NOL4L: variants seen among roughly 807,000 people sequenced by gnomAD.
The protein encoded by NOL4L is nucleolar protein 4-like.
NOL4L carries 7 observed loss-of-function variants against 64.5 expected under a neutral mutation model. The ratio of observed to expected loss-of-function variants is 0.11; its 90% CI spans 0.06 to 0.20. NOL4L has a LOEUF of 0.20. Ranked by LOEUF, NOL4L falls within the 10% of genes least tolerant of loss-of-function variation. NOL4L has a pLI of 1.00. For missense variants in NOL4L, 680 were observed against 967.1 expected, an observed-to-expected ratio of 0.70 and a Z score of 3.94; for synonymous variants, 413 against 401.0, an observed-to-expected ratio of 1.03 and a Z score of -0.36.
At chr20:32,487,217 G>T (rs1023680229) in intron 4 of NOL4L, among the ~76,000 whole-genome samples, 1 of 152,126 alleles carries the variant, frequency 6.6e-6, no homozygotes, top group African/African-American at 2.4e-5. Context: ...GCAGTGAGCC[G>T]AGATCATACC....
intron 4 of NOL4L, among the ~76,000 whole-genome samples, chr20:32,494,253 GAAAAAAAAA>G (rs566317193): frequency 9.1e-5 from 2 of 22,028 alleles, no homozygotes; most frequent in African/African-American, 2.9e-4. Context: ...ATAATCTCGG[GAAAAAAAAA>G]AAAAAAAAAA....
At chr20:32,535,626 G>T in intron 1 of NOL4L, 2 of 985,526 alleles carry the variant, frequency 2.0e-6, no homozygotes, top group Non-Finnish European at 2.4e-6. Flanking sequence ...CCAGGCCACA[G>T]AGAAAGGTGC....
At chr20:32,509,794 T>G in intron 4 of NOL4L, 1 of 1,302,632 alleles carries the variant, frequency 7.7e-7, no homozygotes, top group Non-Finnish European at 1.0e-6. Context: ...AGTGGTGACC[T>G]GGATTTAGTG....
intron 5 of NOL4L, among the ~76,000 whole-genome samples, chr20:32,468,917 A>AAAAAAAAG (rs1555792102): frequency 3.6e-5 from 4 of 109,778 alleles, no homozygotes; most frequent in African/African-American, 1.6e-4. Context: ...AAAAAAAAAA[A>AAAAAAAAG]AAAGAAAGAA....
At chr20:32,556,420 C>A (rs1018430350) in intron 1 of NOL4L, among the ~76,000 whole-genome samples, 3 of 152,316 alleles carry the variant, frequency 2.0e-5, no homozygotes, top group East Asian at 1.9e-4. Context: ...CTACTTGTCT[C>A]TGTCCCTCCT....
At chr20:32,580,167 C>T (rs1333061314) in intron 1 of NOL4L, among the ~76,000 whole-genome samples, 1 of 152,172 alleles carries the variant, frequency 6.6e-6, no homozygotes, top group East Asian at 1.9e-4. Flanking sequence ...AGGGGAAGTT[C>T]TGAACCTCCC....
chr20:32,524,177 G>C (rs995059035), intron 2 of NOL4L, among the ~76,000 whole-genome samples: 7 of 152,190 alleles, frequency 4.6e-5, no homozygotes, highest in Non-Finnish European at 8.8e-5. Flanking sequence ...CTTGGAAAAA[G>C]GACTAGCCCT....
chr20:32,535,803 C>T (rs1246090155), intron 1 of NOL4L: 3 of 985,128 alleles, frequency 3.0e-6, no homozygotes, highest in Non-Finnish European at 3.6e-6. Context: ...GGCCACAGTG[C>T]CCCCCAGTTA....
At chr20:32,577,922 T>C (rs994112009) in intron 1 of NOL4L, among the ~76,000 whole-genome samples, 7 of 151,976 alleles carry the variant, frequency 4.6e-5, no homozygotes, top group Admixed American at 2.6e-4. Flanking sequence ...CTCAGTGAGA[T>C]CACATAGCAG....
chr20:32,517,443 G>A (rs888908498), intron 3 of NOL4L, among the ~76,000 whole-genome samples: 3 of 152,230 alleles, frequency 2.0e-5, no homozygotes, highest in East Asian at 1.9e-4. Flanking sequence ...CCAGCATGGC[G>A]GGCAGAGATA....
At chr20:32,568,097 C>T (rs940982600) in intron 1 of NOL4L, among the ~76,000 whole-genome samples, 3 of 151,946 alleles carry the variant, frequency 2.0e-5, no homozygotes, top group South Asian at 4.2e-4. Flanking sequence ...GTTACCATTA[C>T]CATCACCACT....
chr20:32,546,304 A>G (rs894172205), intron 1 of NOL4L, among the ~76,000 whole-genome samples: 1 of 151,728 alleles, frequency 6.6e-6, no homozygotes, highest in Non-Finnish European at 1.5e-5. Flanking sequence ...GCTGGAGTGC[A>G]ATGGCGCGAT....
At position 32,453,293 on chromosome 20, in the gene NOL4L, G is replaced by C. The variant is rs113528056; in HGVS notation, c.1497+11C>G. ...CCGAGGGAAAGTGTGGGCCAGGCAG[G>C]GGGGACTCACCATCTCCATGCCGTT... On this transcript the variant is annotated intron_variant, in intron 8 of 10. Transcript: ENST00000621426. The surrounding 1 kb of genome is among the most constrained non-coding windows in gnomAD (Gnocchi z 5.6). 4.0e-5 allele frequency: 64 copies of C among 1,611,202 alleles called. No homozygotes were observed. Among genetic ancestry groups the C allele is most frequent in the South Asian group, 2.7e-4 (25 of 90,942 alleles).
At chr20:32,568,808 G>A (rs2087055463) in intron 1 of NOL4L, among the ~76,000 whole-genome samples, 2 of 152,190 alleles carry the variant, frequency 1.3e-5, no homozygotes, top group East Asian at 1.9e-4. Flanking sequence ...TCTCCGTCCT[G>A]GAACTGGAGG....
In NOL4L at chr20:32,444,338, A is replaced by AAAG. The variant is rs2012244035; in HGVS notation, c.*3255_*3257dup. ...GGTGAAATACTTTACTATTTTGTAA[A>AAAG]AAGTTTTACAAAAAATTACAAATTA... is the stretch of plus-strand genomic sequence containing the variant. On this transcript the variant is annotated 3_prime_UTR_variant, in exon 11 of 11. Transcript: ENST00000621426. The AAAG allele has an allele frequency of 6.6e-6, 1 of 152,234 alleles. No homozygotes were observed. The highest frequency in any genetic ancestry group is 2.4e-5 in the African/African-American group (1 of 41,456). The allele number at this position is 152,234 out of a possible 1,614,324, so 9.4% of individuals were successfully genotyped here.
chr20:32,460,821 G>A lies in NOL4L; in HGVS notation c.842-4426C>T, dbSNP rs150596890. On this transcript the variant is annotated intron_variant, in intron 5 of 10. Transcript: ENST00000621426. This position sits in a 1 kb window ranked among gnomAD's most constrained non-coding sequence, Gnocchi z 5.7. Reference sequence around the variant, plus strand: ...CCCTCGGAGCTCATGCTCCAGCAGCGACAAATCAAACCTGAGGGCTCCAGA... The same window carrying A: ...CCCTCGGAGCTCATGCTCCAGCAGCAACAAATCAAACCTGAGGGCTCCAGA... 2.5e-4 allele frequency among the ~76,000 whole-genome samples: 38 copies of A among 152,276 alleles called. No homozygotes were observed. The East Asian group carries it at 5.6e-3, about 22-fold the overall frequency.
At chr20:32,509,395 G>A (rs1388248662) in intron 4 of NOL4L, among the ~76,000 whole-genome samples, 1 of 151,744 alleles carries the variant, frequency 6.6e-6, no homozygotes, top group African/African-American at 2.4e-5. Context: ...GCAGGTGCCT[G>A]TAACCCCAGC....
chr20:32,490,901 C>T (rs1166065753), intron 4 of NOL4L, among the ~76,000 whole-genome samples: 1 of 152,218 alleles, frequency 6.6e-6, no homozygotes, highest in East Asian at 1.9e-4. Flanking sequence ...GCCCCACTGG[C>T]CTGCTGGCCT....
chr20:32,510,875 A>C (rs967940333), intron 4 of NOL4L, among the ~76,000 whole-genome samples: 1 of 152,048 alleles, frequency 6.6e-6, no homozygotes, highest in African/African-American at 2.4e-5. Context: ...CCAGCTGGGG[A>C]GGCTTGGACG....
Sources: gnomAD v4.1 joint callset for allele counts (sites outside exome capture counted in the v4.1 genomes callset) on GRCh38, gnomAD v4.1.1 for gene constraint, Gnocchi (gnomAD v3.1) non-coding constraint, MANE v1.5 for transcripts, NCBI Gene and HGNC (gene_info 2026-07-23, HGNC 2026-07-21) for gene names.